The following WASF1 variants were observed in gnomAD, a reference collection of about 807,000 sequenced individuals.
The protein encoded by WASF1 is WASP family member 1.
A neutral mutation model predicts 50.5 loss-of-function variants in WASF1; 7 were observed. That is an observed-to-expected ratio of 0.14 (90% confidence interval 0.08 to 0.26). The LOEUF (loss-of-function observed/expected upper bound fraction) is 0.26, where lower values mean the gene tolerates loss of function less well. Ranked by LOEUF, WASF1 falls within the 10% of genes least tolerant of loss-of-function variation. The pLI is 1.00. For missense variants in WASF1, 470 were observed against 694.7 expected, an observed-to-expected ratio of 0.68 and a Z score of 3.64; for synonymous variants, 205 against 244.0, an observed-to-expected ratio of 0.84 and a Z score of 1.49.
At chr6:110,145,356 T>C (rs1775504969) in intron 3 of WASF1, among the ~76,000 whole-genome samples, 1 of 152,226 alleles carries the variant, frequency 6.6e-6, no homozygotes, top group African/African-American at 2.4e-5. Context: ...AAGGAGATTT[T>C]GGGCTGAGAC....
At chr6:110,160,586 C>T (rs1426823958) in intron 3 of WASF1, 49 bp downstream of exon 3, 1 of 151,690 alleles carries the variant, frequency 6.6e-6, no homozygotes, top group African/African-American at 2.4e-5. Flanking sequence ...TTTAAATTGA[C>T]ACCTGCTATC....
chr6:110,144,592 T>C (rs556255865), intron 3 of WASF1, among the ~76,000 whole-genome samples: 3 of 152,334 alleles, frequency 2.0e-5, no homozygotes, highest in African/African-American at 7.2e-5. Flanking sequence ...TTTTTATGGT[T>C]TTAGGTCTAA....
At chr6:110,125,229 G>C (rs1355500397) in intron 4 of WASF1, among the ~76,000 whole-genome samples, 1 of 152,058 alleles carries the variant, frequency 6.6e-6, no homozygotes, top group African/African-American at 2.4e-5. Context: ...TTTTCTTAGG[G>C]ACTCACGGGC....
intron 6 of WASF1, 145 bp from the exon 7 acceptor site, chr6:110,107,339 C>A: frequency 1.9e-6 from 1 of 536,374 alleles, no homozygotes; most frequent in Non-Finnish European, 3.1e-6. Context: ...AATATTGCAC[C>A]AATAGAAAAT....
At chr6:110,155,536 C>CTTTT (rs66645132) in intron 3 of WASF1, among the ~76,000 whole-genome samples, 1,688 of 45,966 alleles carry the variant, frequency 0.037, 16 homozygotes, top group Middle Eastern at 0.15. Flanking sequence ...AAAGTGCCTT[C>CTTTT]TTTTTTTTTT....
intron 3 of WASF1, among the ~76,000 whole-genome samples, chr6:110,128,093 T>C (rs1055776643): frequency 6.6e-6 from 1 of 152,128 alleles, no homozygotes; most frequent in African/African-American, 2.4e-5. Flanking sequence ...ATGCAGAGGG[T>C]TGGTGCCCCT....
chr6:110,176,922 T>C (rs917899839), intron 2 of WASF1, among the ~76,000 whole-genome samples: 1 of 152,120 alleles, frequency 6.6e-6, no homozygotes, highest in South Asian at 2.1e-4. Context: ...AGCACTGTTT[T>C]GGTAAAAGTG....
chr6:110,114,842 A>G (rs1024725625), intron 4 of WASF1, among the ~76,000 whole-genome samples: 1 of 151,854 alleles, frequency 6.6e-6, no homozygotes, highest in African/African-American at 2.4e-5. Flanking sequence ...CTGTAATCCT[A>G]GCACTTTGAA....
intron 2 of WASF1, among the ~76,000 whole-genome samples, chr6:110,178,265 AT>A (rs1221416332): frequency 6.6e-6 from 1 of 152,208 alleles, no homozygotes; most frequent in African/African-American, 2.4e-5. Flanking sequence ...CAAATACTTC[AT>A]TCAAATATTC....
intron 3 of WASF1, among the ~76,000 whole-genome samples, chr6:110,153,398 T>C (rs1400841131): frequency 6.6e-6 from 1 of 152,148 alleles, no homozygotes. Context: ...TACAATGTAA[T>C]GATAAACTGA....
At chr6:110,178,418 T>A (rs1777028238) in intron 2 of WASF1, among the ~76,000 whole-genome samples, 180 bp downstream of exon 2, 1 of 152,166 alleles carries the variant, frequency 6.6e-6, no homozygotes, top group Non-Finnish European at 1.5e-5. Context: ...ACCATGCAAA[T>A]TTAAATTTAA....
intron 3 of WASF1, among the ~76,000 whole-genome samples, chr6:110,139,188 G>A (rs556214695): frequency 6.6e-6 from 1 of 152,368 alleles, no homozygotes; most frequent in African/African-American, 2.4e-5. Flanking sequence ...CCCTGGAACA[G>A]GTGCCGGGAT....
intron 1 of WASF1, among the ~76,000 whole-genome samples, chr6:110,179,131 G>T (rs1194577423): frequency 6.6e-6 from 1 of 152,156 alleles, no homozygotes; most frequent in Non-Finnish European, 1.5e-5. Flanking sequence ...AGGGAAGCCC[G>T]GGCGGTGGCA....
At chr6:110,109,438 C>T (rs757244433) in intron 5 of WASF1, among the ~76,000 whole-genome samples, 1 of 152,112 alleles carries the variant, frequency 6.6e-6, no homozygotes, top group African/African-American at 2.4e-5. Context: ...TTAATTCTTA[C>T]ACTGATATCC....
At chr6:110,138,537 G>C (rs1223624327) in intron 3 of WASF1, among the ~76,000 whole-genome samples, 1 of 152,236 alleles carries the variant, frequency 6.6e-6, no homozygotes, top group Non-Finnish European at 1.5e-5. Flanking sequence ...CTGAGCGACA[G>C]AACAGCTCTC....
chr6:110,109,567 T>G (rs942297891), intron 5 of WASF1, among the ~76,000 whole-genome samples: 5 of 151,544 alleles, frequency 3.3e-5, no homozygotes, highest in Non-Finnish European at 5.9e-5. Flanking sequence ...TTTTTTTTTT[T>G]TTGAGACAGA....
chr6:110,132,235 AC>A (rs1291246429), intron 3 of WASF1, among the ~76,000 whole-genome samples: 1 of 151,894 alleles, frequency 6.6e-6, no homozygotes, highest in Non-Finnish European at 1.5e-5. Flanking sequence ...CTAATCTCTA[AC>A]CTATCTGCAA....
chr6:110,102,301 T>C (rs1773128297), intron 9 of WASF1, 85 bp from the exon 10 acceptor site: 1 of 1,276,324 alleles, frequency 7.8e-7, no homozygotes, highest in South Asian at 3.2e-5. Context: ...TAAATGACTA[T>C]CAGTAATTAT....
At chr6:110,148,011 T>C (rs1476046458) in intron 3 of WASF1, among the ~76,000 whole-genome samples, 1 of 152,142 alleles carries the variant, frequency 6.6e-6, no homozygotes, top group East Asian at 1.9e-4. Context: ...CCTTTCAAAG[T>C]GCTAGGATTA....
Sources: allele counts gnomAD v4.1 joint callset (sites outside exome capture counted in the v4.1 genomes callset), GRCh38; gene constraint gnomAD v4.1.1; transcripts MANE v1.5; gene names NCBI Gene and HGNC (gene_info 2026-07-23, HGNC 2026-07-21).